The following NMNAT2 variants were observed in gnomAD, a reference collection of about 807,000 sequenced individuals.
NMNAT2 encodes nicotinamide/nicotinic acid mononucleotide adenylyltransferase 2.
In NMNAT2, 11 loss-of-function variants were observed where a neutral mutation model predicts 41.6. The observed-to-expected ratio is 0.26, with a 90% CI of 0.17 to 0.44. The LOEUF (loss-of-function observed/expected upper bound fraction) is 0.44, where lower values mean the gene tolerates loss of function less well. Among genes scored for constraint, NMNAT2 ranks in the 20% least tolerant of loss-of-function variants. The pLI, the probability that NMNAT2 is intolerant of heterozygous loss-of-function variation, is 1.00. For synonymous variants in NMNAT2, 148 were observed against 151.2 expected, an observed-to-expected ratio of 0.98 and a Z score of 0.16; for missense variants, 288 against 407.7, an observed-to-expected ratio of 0.71 and a Z score of 2.53.
At chr1:183,405,614 G>C (rs1648932439) in intron 1 of NMNAT2, among the ~76,000 whole-genome samples, 1 of 152,256 alleles carries the variant, frequency 6.6e-6, no homozygotes, top group South Asian at 2.1e-4. Context: ...GGAGGAGCTA[G>C]ACAAAACTAA....
chr1:183,313,590 A>G (rs1483349727), intron 1 of NMNAT2, among the ~76,000 whole-genome samples: 2 of 152,194 alleles, frequency 1.3e-5, no homozygotes, highest in Middle Eastern at 3.4e-3. Context: ...GGTGATTCTC[A>G]TGCCTCTGCC....
At chr1:183,361,765 A>G (rs1663312613) in intron 1 of NMNAT2, among the ~76,000 whole-genome samples, 1 of 152,116 alleles carries the variant, frequency 6.6e-6, no homozygotes, top group South Asian at 2.1e-4. Context: ...CTCATTTCTG[A>G]AGCTGTCATT....
intron 1 of NMNAT2, among the ~76,000 whole-genome samples, chr1:183,397,237 C>T (rs182544581): frequency 6.6e-6 from 1 of 152,236 alleles, no homozygotes; most frequent in African/African-American, 2.4e-5. Flanking sequence ...CAGCCAGGGT[C>T]GAGGTTCTGC....
chr1:183,343,168 C>CT (rs1445382636), intron 1 of NMNAT2, among the ~76,000 whole-genome samples: 1 of 152,192 alleles, frequency 6.6e-6, no homozygotes, highest in African/African-American at 2.4e-5. Context: ...CTCTTCCTCT[C>CT]TTACCCCCAC....
chr1:183,357,268 C>T (rs113915968), intron 1 of NMNAT2, among the ~76,000 whole-genome samples: 1,749 of 124,290 alleles, frequency 0.014, 45 homozygotes, highest in African/African-American at 0.051. Context: ...CTCGCTCTAT[C>T]GCCCAGGCTG....
At chr1:183,351,566 T>A (rs1464332273) in intron 1 of NMNAT2, among the ~76,000 whole-genome samples, 6 of 152,182 alleles carry the variant, frequency 3.9e-5, no homozygotes, top group Admixed American at 3.9e-4. Flanking sequence ...CAACCACAGG[T>A]CAGGTACTGA....
chr1:183,275,946 A>G lies in NMNAT2; in HGVS notation c.651+2607T>C, dbSNP rs111752004. 3.5e-3 allele frequency among the ~76,000 whole-genome samples: 526 copies of G among 152,324 alleles called. 3 individuals carry two copies. The highest frequency in any genetic ancestry group is 6.8e-3 in the Middle Eastern group (2 of 294). ...CTCGGCCTCCCAAAGTGCTGGGATT[A>G]CAGGTGTAATACGCACCCAGCCTAG... On this transcript the variant is annotated intron_variant, in intron 8 of 10. Transcript: ENST00000287713.
chr1:183,275,433 G>A (rs1041639571), intron 8 of NMNAT2, among the ~76,000 whole-genome samples: 2 of 151,926 alleles, frequency 1.3e-5, no homozygotes, highest in African/African-American at 4.8e-5. Context: ...GGGTGGGGAA[G>A]CAGGTCTGCT....
intron 1 of NMNAT2, among the ~76,000 whole-genome samples, chr1:183,311,155 A>C (rs766074203): frequency 9.2e-5 from 14 of 151,996 alleles, no homozygotes; most frequent in Non-Finnish European, 2.1e-4. Context: ...TGACAAACCA[A>C]ATTCCAGTCT....
intron 1 of NMNAT2, among the ~76,000 whole-genome samples, chr1:183,301,397 A>C (rs1661848851): frequency 6.6e-6 from 1 of 152,272 alleles, no homozygotes; most frequent in Non-Finnish European, 1.5e-5. Flanking sequence ...GCACATTAGT[A>C]GAAAGCCAGC....
chr1:183,401,219 A>G (rs1648799119), intron 1 of NMNAT2, among the ~76,000 whole-genome samples: 1 of 152,350 alleles, frequency 6.6e-6, no homozygotes, highest in East Asian at 1.9e-4. Flanking sequence ...AATTTACAAG[A>G]AAAAATCAAA....
chr1:183,409,915 G>A (rs974386625), intron 1 of NMNAT2, among the ~76,000 whole-genome samples: 2 of 152,186 alleles, frequency 1.3e-5, no homozygotes, highest in African/African-American at 2.4e-5. Flanking sequence ...TTGCTTGTTT[G>A]TTGTTATTTT....
intron 7 of NMNAT2, among the ~76,000 whole-genome samples, chr1:183,281,945 G>C (rs1330223): frequency 0.6 from 91,267 of 152,110 alleles, 27,583 homozygotes; most frequent in East Asian, 0.71. Flanking sequence ...CCCAGGTCAC[G>C]CTGATCCAGG....
Position 183,385,598 on chromosome 1 carries a change from AT to A in NMNAT2, c.85+32584del, listed in dbSNP as rs908145581. 5.7e-3 allele frequency among the ~76,000 whole-genome samples: 833 copies of A among 145,100 alleles called. 7 individuals carry two copies. The highest frequency in any genetic ancestry group is 0.021 in the East Asian group (103 of 4,984). ...GTGATATAAACAGACAGAGCCTGGA[AT>A]TTTTTTTTTTTTTCCAGAAAATCCT... On this transcript the variant is annotated intron_variant, in intron 1 of 10. Transcript: ENST00000287713.
intron 8 of NMNAT2, among the ~76,000 whole-genome samples, chr1:183,274,636 T>C (rs1430811785): frequency 6.6e-6 from 1 of 151,496 alleles, no homozygotes; most frequent in Non-Finnish European, 1.5e-5. Flanking sequence ...TTTAAACTCA[T>C]TGAAGAAATT....
At chr1:183,363,088 A>G (rs980553705) in intron 1 of NMNAT2, among the ~76,000 whole-genome samples, 1 of 152,116 alleles carries the variant, frequency 6.6e-6, no homozygotes, top group African/African-American at 2.4e-5. Flanking sequence ...CCATTTGTGT[A>G]TCTTCTTTGG....
intron 1 of NMNAT2, among the ~76,000 whole-genome samples, chr1:183,325,496 A>C (rs1662442880): frequency 6.6e-6 from 1 of 152,204 alleles, no homozygotes; most frequent in Admixed American, 6.5e-5. Flanking sequence ...GGTTTTCTTT[A>C]AGCTACTTTA....
intron 1 of NMNAT2, among the ~76,000 whole-genome samples, chr1:183,406,447 C>T (rs909742901): frequency 9.2e-5 from 14 of 152,020 alleles, no homozygotes; most frequent in Non-Finnish European, 1.9e-4. Flanking sequence ...ACTGTCAGCT[C>T]GATAGAAAGG....
rs555983503 is a variant in NMNAT2 at position 183,282,010 on chromosome 1, C to T, written c.574+1985G>A. 4.0e-4 allele frequency among the ~76,000 whole-genome samples: 61 copies of T among 152,316 alleles called. No homozygotes were observed. In the Middle Eastern group the frequency reaches 0.01, roughly 25 times the overall value. On this transcript the variant is annotated intron_variant, in intron 7 of 10. Coordinates refer to ENST00000287713, the MANE Select transcript of NMNAT2 (RefSeq NM_015039.4). ...CACACTCCCCTCCCAGGAATCCGGGCTATGTGAAGCCCGGGCCCTGCAGCC... is the reference window on the plus strand; with the variant it reads ...CACACTCCCCTCCCAGGAATCCGGGTTATGTGAAGCCCGGGCCCTGCAGCC...
Sources: allele counts gnomAD v4.1 joint callset (sites outside exome capture counted in the v4.1 genomes callset), GRCh38; gene constraint gnomAD v4.1.1; transcripts MANE v1.5; gene names NCBI Gene and HGNC (gene_info 2026-07-23, HGNC 2026-07-21).